GSK3B: variants seen among roughly 807,000 people sequenced by gnomAD.
GSK3B encodes the protein glycogen synthase kinase 3 beta, also known as glycogen synthase kinase-3 beta.
GSK3B carries 15 observed loss-of-function variants against 56.4 expected under a neutral mutation model. The ratio of observed to expected loss-of-function variants is 0.27; its 90% CI spans 0.18 to 0.41. The LOEUF (loss-of-function observed/expected upper bound fraction) is 0.41, where lower values mean the gene tolerates loss of function less well. Among genes scored for constraint, GSK3B ranks in the 10% least tolerant of loss-of-function variants. The pLI is 1.00. For synonymous variants in GSK3B, 181 were observed against 188.9 expected (o/e 0.96, Z 0.34); for missense variants, 300 against 513.4 (o/e 0.58, Z 4.02).
At chr3:120,053,441 A>G (rs2058167043) in intron 1 of GSK3B, among the ~76,000 whole-genome samples, 1 of 152,228 alleles carries the variant, frequency 6.6e-6, no homozygotes, top group African/African-American at 2.4e-5. Flanking sequence ...CATTCAAAGA[A>G]CAATTCTAAC....
intron 1 of GSK3B, among the ~76,000 whole-genome samples, chr3:120,045,911 T>C (rs1489263200): frequency 6.6e-6 from 1 of 152,156 alleles, no homozygotes; most frequent in African/African-American, 2.4e-5. Context: ...AAAAAGAAAT[T>C]AGGTATCCAG....
chr3:119,852,184 A>G (rs981464205), intron 9 of GSK3B, among the ~76,000 whole-genome samples: 8 of 152,206 alleles, frequency 5.3e-5, no homozygotes, highest in Non-Finnish European at 8.8e-5. Context: ...ATTTGCTGAA[A>G]GCCATGATGA....
At chr3:119,976,765 C>CAAAAAAA (rs563133631) in intron 2 of GSK3B, among the ~76,000 whole-genome samples, 3 of 83,092 alleles carry the variant, frequency 3.6e-5, no homozygotes, top group East Asian at 7.1e-4. Flanking sequence ...CCACTCCCCA[C>CAAAAAAA]AAAAAAAAAA....
chr3:119,988,494 T>C (rs1025500619), intron 2 of GSK3B, among the ~76,000 whole-genome samples: 4 of 152,240 alleles, frequency 2.6e-5, no homozygotes, highest in African/African-American at 9.6e-5. Context: ...TGGTTATTTT[T>C]ACAAAGGCTT....
chr3:119,921,964 A>G (rs577316643), intron 4 of GSK3B, among the ~76,000 whole-genome samples: 2 of 152,054 alleles, frequency 1.3e-5, no homozygotes, highest in South Asian at 2.1e-4. Flanking sequence ...TGATGAAACC[A>G]CATCTCCACT....
At chr3:120,024,137 C>A (rs1462793821) in intron 1 of GSK3B, among the ~76,000 whole-genome samples, 1 of 141,284 alleles carries the variant, frequency 7.1e-6, no homozygotes, top group African/African-American at 2.7e-5. Context: ...TCAAGACCAG[C>A]CTGGGCAATA....
intron 1 of GSK3B, among the ~76,000 whole-genome samples, chr3:120,064,235 A>C (rs567088107): frequency 6.6e-6 from 1 of 152,028 alleles, no homozygotes; most frequent in South Asian, 2.1e-4. Context: ...TAAACCCTTA[A>C]TCTTGAAACA....
chr3:119,967,151 T>G (rs1026311948), intron 2 of GSK3B, among the ~76,000 whole-genome samples: 1 of 152,000 alleles, frequency 6.6e-6, no homozygotes, highest in Non-Finnish European at 1.5e-5. Context: ...TGAACTCAGC[T>G]CACTGCAACC....
At chr3:119,841,905 C>T (rs1017753906) in intron 10 of GSK3B, among the ~76,000 whole-genome samples, 1 of 152,110 alleles carries the variant, frequency 6.6e-6, no homozygotes, top group Non-Finnish European at 1.5e-5. Context: ...ACAGAAACAA[C>T]ACCATCAAAC....
chr3:120,016,796 T>A (rs1408510829), intron 1 of GSK3B, among the ~76,000 whole-genome samples: 1 of 152,206 alleles, frequency 6.6e-6, no homozygotes, highest in African/African-American at 2.4e-5. Context: ...TTCAACAGTC[T>A]GAACTTAAAT....
At chr3:119,888,267 C>G (rs1028022109) in intron 7 of GSK3B, among the ~76,000 whole-genome samples, 8 of 152,100 alleles carry the variant, frequency 5.3e-5, no homozygotes, top group African/African-American at 1.9e-4. Context: ...GGACCCTGAA[C>G]ACAGGGACCA....
chr3:120,003,336 G>A (rs573325866), intron 1 of GSK3B, among the ~76,000 whole-genome samples: 3 of 152,252 alleles, frequency 2.0e-5, no homozygotes, highest in East Asian at 3.9e-4. Flanking sequence ...ATTCTTAATC[G>A]ATTCTGTGTA....
At chr3:119,910,739 A>G (rs1178523581) in intron 6 of GSK3B, among the ~76,000 whole-genome samples, 2 of 152,212 alleles carry the variant, frequency 1.3e-5, no homozygotes, top group Non-Finnish European at 2.9e-5. Context: ...TCAAAATGGG[A>G]GTCAGTCCTC....
At chr3:119,887,387 G>C (rs757275435) in intron 7 of GSK3B, among the ~76,000 whole-genome samples, 6 of 152,142 alleles carry the variant, frequency 3.9e-5, no homozygotes, top group Admixed American at 1.3e-4. Context: ...AGAAATGACA[G>C]AGAAGACAGA....
chr3:119,837,943 CATATATAT>C (rs10574860), intron 10 of GSK3B, among the ~76,000 whole-genome samples: 4,028 of 138,572 alleles, frequency 0.029, 188 homozygotes, highest in African/African-American at 0.098. Flanking sequence ...TGACCATTCA[CATATATAT>C]ATATATATAT....
At chr3:120,017,377 T>C (rs2057836132) in intron 1 of GSK3B, among the ~76,000 whole-genome samples, 1 of 152,180 alleles carries the variant, frequency 6.6e-6, no homozygotes, top group Non-Finnish European at 1.5e-5. Flanking sequence ...TAATACCAGA[T>C]CAGTGCTCTA....
At chr3:119,856,293 T>C (rs1014625706) in intron 9 of GSK3B, among the ~76,000 whole-genome samples, 7 of 152,216 alleles carry the variant, frequency 4.6e-5, no homozygotes, top group Non-Finnish European at 8.8e-5. Context: ...TCCTGCAATG[T>C]TGCATTTCTT....
intron 1 of GSK3B, among the ~76,000 whole-genome samples, chr3:120,081,113 T>G (rs1165002593): frequency 1.3e-5 from 2 of 152,162 alleles, no homozygotes; most frequent in Admixed American, 6.5e-5. Flanking sequence ...TACCAACCAG[T>G]GCAACCTAGC....
At chr3:119,961,458 T>C (rs1473255344) in intron 2 of GSK3B, among the ~76,000 whole-genome samples, 1 of 151,824 alleles carries the variant, frequency 6.6e-6, no homozygotes, top group Non-Finnish European at 1.5e-5. Context: ...TGAAACTCCG[T>C]CTCTACTAAA....
Sources: gnomAD v4.1 joint callset for allele counts (sites outside exome capture counted in the v4.1 genomes callset) on GRCh38, gnomAD v4.1.1 for gene constraint, MANE v1.5 for transcripts, NCBI Gene and HGNC (gene_info 2026-07-23, HGNC 2026-07-21) for gene names.